Variants in PHACTR3 observed in about 807,000 individuals in gnomAD.
PHACTR3 encodes phosphatase and actin regulator 3.
Under a neutral mutation model 66.8 loss-of-function variants are expected in PHACTR3, and 16 were observed. The ratio of observed to expected loss-of-function variants is 0.24; its 90% CI spans 0.16 to 0.36. PHACTR3 has a LOEUF of 0.36. Among genes scored for constraint, PHACTR3 ranks in the 10% least tolerant of loss-of-function variants. The probability of loss-of-function intolerance (pLI) is 1.00; values close to 1 mark genes in which losing one functional copy is unlikely to be tolerated. For missense variants in PHACTR3, 647 were observed against 719.9 expected (o/e 0.90, Z 1.16); for synonymous variants, 323 against 292.1 (o/e 1.11, Z -1.08).
chr20:59,614,790 C>T (rs1007232466), intron 1 of PHACTR3, among the ~76,000 whole-genome samples: 1 of 152,182 alleles, frequency 6.6e-6, no homozygotes, highest in Admixed American at 6.5e-5. Flanking sequence ...ATCACTAGCT[C>T]TGGAGTTTCA....
chr20:59,708,934 T>C (rs186064472), intron 1 of PHACTR3, among the ~76,000 whole-genome samples: 2 of 152,338 alleles, frequency 1.3e-5, no homozygotes, highest in East Asian at 3.9e-4. Flanking sequence ...AGTTCCTTCA[T>C]TGAGCTGGTT....
chr20:59,841,169 G>A (rs1199155543), intron 10 of PHACTR3, among the ~76,000 whole-genome samples: 1 of 152,126 alleles, frequency 6.6e-6, no homozygotes, highest in Non-Finnish European at 1.5e-5. Flanking sequence ...CTGGGGGTGT[G>A]ACTCCTTCTG....
chr20:59,788,270 A>G (rs2040983587), intron 7 of PHACTR3, among the ~76,000 whole-genome samples: 1 of 152,200 alleles, frequency 6.6e-6, no homozygotes, highest in Non-Finnish European at 1.5e-5. Context: ...ACGTCATCGT[A>G]CAGATGCGTT....
chr20:59,793,537 C>T (rs1293765248), intron 7 of PHACTR3, among the ~76,000 whole-genome samples: 1 of 152,138 alleles, frequency 6.6e-6, no homozygotes, highest in Non-Finnish European at 1.5e-5. Context: ...TTTTTTGTAG[C>T]TATTGTGAAT....
At chr20:59,804,062 C>G (rs1305213900) in intron 7 of PHACTR3, among the ~76,000 whole-genome samples, 1 of 152,150 alleles carries the variant, frequency 6.6e-6, no homozygotes, top group Non-Finnish European at 1.5e-5. Context: ...CATGAAAAGT[C>G]CTCATTTTAA....
intron 1 of PHACTR3, among the ~76,000 whole-genome samples, chr20:59,718,021 T>G (rs1217156644): frequency 6.6e-6 from 1 of 152,212 alleles, no homozygotes; most frequent in African/African-American, 2.4e-5. Flanking sequence ...GGTTTGTAGT[T>G]TCCTCACATA....
chr20:59,826,475 A>G (rs1297531872), intron 8 of PHACTR3, among the ~76,000 whole-genome samples: 2 of 151,968 alleles, frequency 1.3e-5, no homozygotes, highest in Non-Finnish European at 2.9e-5. Flanking sequence ...CATTCCTTCC[A>G]GTGCGCTCCC....
chr20:59,779,781 A>G (rs983972292), intron 7 of PHACTR3, among the ~76,000 whole-genome samples: 1 of 152,242 alleles, frequency 6.6e-6, no homozygotes, highest in African/African-American at 2.4e-5. Context: ...CCCTATGCCC[A>G]CATGCACATG....
chr20:59,622,997 A>AAAAAAAAAAAAAAAAAAAAAAAAAAC (rs2034310417), intron 1 of PHACTR3, among the ~76,000 whole-genome samples: 1 of 145,444 alleles, frequency 6.9e-6, no homozygotes, highest in Non-Finnish European at 1.5e-5. Flanking sequence ...AAAAAAAAAA[A>AAAAAAAAAAAAAAAAAAAAAAAAAAC]AAAACCCAAA....
At chr20:59,621,489 G>A (rs540825032) in intron 1 of PHACTR3, among the ~76,000 whole-genome samples, 15 of 152,338 alleles carry the variant, frequency 9.8e-5, no homozygotes, top group African/African-American at 2.9e-4. Flanking sequence ...AACATGCCCC[G>A]TTTCTCTCTT....
intron 1 of PHACTR3, among the ~76,000 whole-genome samples, chr20:59,674,317 C>T (rs1441296644): frequency 7.0e-6 from 1 of 143,724 alleles, no homozygotes; most frequent in African/African-American, 2.8e-5. Flanking sequence ...GGGCGGGGGG[C>T]ATGGCTCTGA....
intron 4 of PHACTR3, among the ~76,000 whole-genome samples, chr20:59,757,087 C>T (rs987941522): frequency 1.3e-5 from 2 of 152,224 alleles, no homozygotes; most frequent in African/African-American, 4.8e-5. Context: ...TTATGCAACC[C>T]GCTGGCATGG....
chr20:59,838,001 T>A (rs981954438), intron 9 of PHACTR3, among the ~76,000 whole-genome samples: 4 of 152,208 alleles, frequency 2.6e-5, no homozygotes, highest in African/African-American at 7.2e-5. Context: ...CTATCTTTGG[T>A]GAATAGGGAG....
intron 1 of PHACTR3, among the ~76,000 whole-genome samples, chr20:59,713,756 T>C (rs2037988614): frequency 6.6e-6 from 1 of 152,022 alleles, no homozygotes; most frequent in South Asian, 2.1e-4. Context: ...TTTTTTTTTT[T>C]CTCCTTTTTT....
At chr20:59,686,862 G>GAT (rs2036904138) in intron 1 of PHACTR3, among the ~76,000 whole-genome samples, 2 of 149,706 alleles carry the variant, frequency 1.3e-5, no homozygotes, top group African/African-American at 4.9e-5. Context: ...TGATGATGAT[G>GAT]GTGGTGATTG....
intron 7 of PHACTR3, among the ~76,000 whole-genome samples, chr20:59,797,157 C>T (rs998199978): frequency 6.6e-6 from 1 of 152,084 alleles, no homozygotes; most frequent in Non-Finnish European, 1.5e-5. Context: ...TTGAATTCTT[C>T]AGCTACAAGA....
chr20:59,826,838 C>G (rs548303994), intron 8 of PHACTR3, among the ~76,000 whole-genome samples: 28 of 152,336 alleles, frequency 1.8e-4, no homozygotes, highest in Non-Finnish European at 2.5e-4. Flanking sequence ...ATTGGCAGGG[C>G]TGGGTGTCAC....
At chr20:59,747,635 C>T in intron 2 of PHACTR3, 123 bp from the exon 3 acceptor site, 2 of 1,128,142 alleles carry the variant, frequency 1.8e-6, no homozygotes, top group Non-Finnish European at 1.3e-6. Flanking sequence ...CCCCCTAACC[C>T]CGAGGCGCCT....
intron 1 of PHACTR3, chr20:59,721,577 G>A (rs960251108): frequency 2.0e-5 from 3 of 152,338 alleles, no homozygotes; most frequent in Non-Finnish European, 4.4e-5. Context: ...CAGGAGTTGG[G>A]AAGGGGGTTC....
Sources: allele counts gnomAD v4.1 joint callset (sites outside exome capture counted in the v4.1 genomes callset), GRCh38; gene constraint gnomAD v4.1.1; transcripts MANE v1.5; gene names NCBI Gene and HGNC (gene_info 2026-07-23, HGNC 2026-07-21).